Variants in RAD18 observed in about 807,000 individuals in gnomAD.
RAD18 encodes the protein E3 ubiquitin-protein ligase RAD18.
Under a neutral mutation model 60.4 loss-of-function variants are expected in RAD18, and 47 were observed. The ratio of observed to expected loss-of-function variants is 0.78; its 90% CI spans 0.62 to 0.99. The LOEUF (loss-of-function observed/expected upper bound fraction) is 0.99, where lower values mean the gene tolerates loss of function less well. RAD18 is among the 50% of genes least tolerant of loss of function. The pLI is 0.00. For missense variants in RAD18, 640 were observed against 593.3 expected (o/e 1.08, Z -0.82); for synonymous variants, 225 against 195.5 (o/e 1.15, Z -1.26).
intron 2 of RAD18, among the ~76,000 whole-genome samples, chr3:8,953,769 TG>T (rs1474399423): frequency 6.6e-6 from 1 of 151,568 alleles, no homozygotes; most frequent in Non-Finnish European, 1.5e-5. Context: ...ATAATTGGCT[TG>T]TGGACACTGA....
At chr3:8,892,908 C>G (rs866049475) in intron 11 of RAD18, among the ~76,000 whole-genome samples, 4 of 152,106 alleles carry the variant, frequency 2.6e-5, no homozygotes, top group African/African-American at 7.2e-5. Context: ...ACTTAACTTT[C>G]CTCTGTGTCA....
At chr3:8,904,198 C>T (rs1939964219) in intron 9 of RAD18, among the ~76,000 whole-genome samples, 1 of 152,148 alleles carries the variant, frequency 6.6e-6, no homozygotes, top group Non-Finnish European at 1.5e-5. Context: ...CTTTGATCAC[C>T]TCATAATATC....
intron 12 of RAD18, among the ~76,000 whole-genome samples, chr3:8,886,639 A>C (rs1939570255): frequency 6.6e-6 from 1 of 152,238 alleles, no homozygotes; most frequent in African/African-American, 2.4e-5. Context: ...AATCCAGTGT[A>C]CTTACTCACT....
intron 7 of RAD18, among the ~76,000 whole-genome samples, chr3:8,916,437 T>C (rs898364128): frequency 3.9e-5 from 6 of 152,166 alleles, no homozygotes; most frequent in Non-Finnish European, 5.9e-5. Flanking sequence ...CACAGGCTCA[T>C]AGGGAAAACC....
intron 11 of RAD18, among the ~76,000 whole-genome samples, chr3:8,897,779 T>C (rs940929102): frequency 4.6e-5 from 7 of 152,146 alleles, no homozygotes; most frequent in Non-Finnish European, 1.0e-4. Flanking sequence ...ATAATAAAGA[T>C]AAGTGGCCAG....
chr3:8,905,802 C>G (rs1254095839), intron 9 of RAD18, among the ~76,000 whole-genome samples: 2 of 152,232 alleles, frequency 1.3e-5, no homozygotes, highest in Admixed American at 6.5e-5. Flanking sequence ...CTCACACTTT[C>G]TTCTCTTCAT....
chr3:8,940,577 G>C (rs1175740948), intron 5 of RAD18, among the ~76,000 whole-genome samples: 9 of 152,168 alleles, frequency 5.9e-5, no homozygotes, highest in African/African-American at 1.9e-4. Flanking sequence ...ATGTCTAAGA[G>C]TTTCTGCCTA....
intron 7 of RAD18, among the ~76,000 whole-genome samples, chr3:8,926,790 C>G (rs1166558928): frequency 4.6e-5 from 7 of 152,140 alleles, no homozygotes; most frequent in Middle Eastern, 3.4e-3. Context: ...ACAAACCTGA[C>G]AAAAACAAGA....
At chr3:8,935,698 G>A (rs45485694) in intron 7 of RAD18, among the ~76,000 whole-genome samples, 173 bp downstream of exon 7, 2 of 152,302 alleles carry the variant, frequency 1.3e-5, no homozygotes, top group East Asian at 1.9e-4. Flanking sequence ...AGGCTGAGAG[G>A]AAGGCTGGCT....
chr3:8,916,213 C>A (rs577817988), intron 7 of RAD18, among the ~76,000 whole-genome samples: 1 of 152,182 alleles, frequency 6.6e-6, no homozygotes, highest in African/African-American at 2.4e-5. Flanking sequence ...CCATAGAGGA[C>A]CCCTGCCCCT....
chr3:8,959,869 G>C (rs1214837246), intron 1 of RAD18, among the ~76,000 whole-genome samples: 1 of 127,144 alleles, frequency 7.9e-6, no homozygotes, highest in Non-Finnish European at 1.6e-5. Flanking sequence ...ATGACCGAGT[G>C]AAACTGTCTC....
At chr3:8,939,512 A>C in intron 6 of RAD18, 42 bp downstream of exon 6, 1 of 1,510,054 alleles carries the variant, frequency 6.6e-7, no homozygotes, top group East Asian at 2.3e-5. Flanking sequence ...CACAAGAGGC[A>C]CCCAGCTAAA....
intron 2 of RAD18, among the ~76,000 whole-genome samples, chr3:8,951,561 G>C (rs1940924911): frequency 1.3e-5 from 2 of 152,194 alleles, no homozygotes; most frequent in African/African-American, 4.8e-5. Context: ...AAGAGTACTG[G>C]AGAAGGAATA....
intron 9 of RAD18, among the ~76,000 whole-genome samples, chr3:8,903,579 C>T (rs1220272515): frequency 3.9e-5 from 6 of 152,064 alleles, no homozygotes; most frequent in Non-Finnish European, 5.9e-5. Context: ...ATATAATTAA[C>T]CCTGACCTCA....
intron 4 of RAD18, 55 bp downstream of exon 4, chr3:8,947,165 G>T: frequency 7.6e-7 from 1 of 1,321,582 alleles, no homozygotes; most frequent in Non-Finnish European, 1.1e-6. Flanking sequence ...AGTAAAGAGA[G>T]AACACATATA....
intron 7 of RAD18, among the ~76,000 whole-genome samples, chr3:8,933,760 T>G (rs1481390948): frequency 1.3e-5 from 2 of 152,106 alleles, no homozygotes; most frequent in African/African-American, 4.8e-5. Flanking sequence ...ATATCAACTA[T>G]CTCAAAATTG....
intron 7 of RAD18, among the ~76,000 whole-genome samples, chr3:8,924,862 T>C (rs1323030129): frequency 6.6e-6 from 1 of 150,922 alleles, no homozygotes; most frequent in Non-Finnish European, 1.5e-5. Context: ...TTGAAACCAA[T>C]GAGAACAAAG....
chr3:8,889,313 C>G (rs1193889569), intron 12 of RAD18, among the ~76,000 whole-genome samples: 2 of 152,208 alleles, frequency 1.3e-5, no homozygotes, highest in Non-Finnish European at 2.9e-5. Context: ...AGACTTACCC[C>G]TTTGAGCCTC....
intron 1 of RAD18, among the ~76,000 whole-genome samples, chr3:8,961,605 G>C (rs1321330334): frequency 6.6e-6 from 1 of 152,176 alleles, no homozygotes; most frequent in African/African-American, 2.4e-5. Flanking sequence ...TTTGTGCCTG[G>C]AAGAGTTCAA....
Sources: allele counts gnomAD v4.1 joint callset (sites outside exome capture counted in the v4.1 genomes callset), GRCh38; gene constraint gnomAD v4.1.1; transcripts MANE v1.5; gene names NCBI Gene and HGNC (gene_info 2026-07-23, HGNC 2026-07-21).